The following SP140 variants were observed in gnomAD, a reference collection of about 807,000 sequenced individuals.
SP140 encodes the protein nuclear body protein SP140.
SP140 carries 81 observed loss-of-function variants against 125.0 expected under a neutral mutation model. That is an observed-to-expected ratio of 0.65 (90% CI 0.54 to 0.78). The LOEUF is 0.78. Among genes scored for constraint, SP140 ranks in the 30% least tolerant of loss-of-function variants. The probability of loss-of-function intolerance (pLI) is 0.00; values close to 1 mark genes in which losing one functional copy is unlikely to be tolerated. For missense variants in SP140, 858 were observed against 1,037.0 expected (o/e 0.83, Z 2.37); for synonymous variants, 312 against 354.0 (o/e 0.88, Z 1.33).
chr2:230,266,959 T>C (rs1409024325), intron 12 of SP140, among the ~76,000 whole-genome samples: 1 of 152,162 alleles, frequency 6.6e-6, no homozygotes, highest in African/African-American at 2.4e-5. Flanking sequence ...TCACATAAGG[T>C]AATTATGGAA....
At chr2:230,234,722 A>C (rs1380716060) in intron 1 of SP140, among the ~76,000 whole-genome samples, 1 of 151,882 alleles carries the variant, frequency 6.6e-6, no homozygotes, top group Non-Finnish European at 1.5e-5. Flanking sequence ...ATTTTCATTC[A>C]CTTTTTAAAA....
the SP140 span, among the ~76,000 whole-genome samples, chr2:230,187,975 G>C: frequency 6.6e-6 from 1 of 152,096 alleles, no homozygotes; most frequent in Non-Finnish European, 1.5e-5. Context: ...GGCTTTGCAG[G>C]CTCTTTTTTG....
chr2:230,314,941 T>C (rs2149654621), downstream of SP140, among the ~76,000 whole-genome samples: 1 of 152,352 alleles, frequency 6.6e-6, no homozygotes, highest in Non-Finnish European at 1.5e-5. Flanking sequence ...AGAGGCAGCA[T>C]TTAACTGTGA....
At chr2:230,241,813 G>T (rs547215528) in intron 4 of SP140, among the ~76,000 whole-genome samples, 2 of 152,292 alleles carry the variant, frequency 1.3e-5, no homozygotes, top group South Asian at 4.1e-4. Context: ...ACCCTCCGAG[G>T]TTGAGATAAG....
intron 1 of SP140, chr2:230,212,399 A>G: frequency 6.2e-7 from 1 of 1,612,922 alleles, no homozygotes; most frequent in Non-Finnish European, 8.5e-7. Context: ...CTTCTTCCGC[A>G]TTCATTTTGG....
chr2:230,259,686 CA>C lies in SP140; in HGVS notation c.1240+4165del, dbSNP rs79994218. Among the ~76,000 whole-genome samples, 302 of 138,668 alleles carry C rather than the reference CA, an allele frequency of 2.2e-3. 7 individuals are homozygous for C. In the East Asian group the frequency reaches 0.044, roughly 20 times the overall value. The allele number at this position is 138,668 out of a possible 152,430, so 91.0% of individuals were successfully genotyped here. A position where few individuals can be genotyped will look rare whatever the true frequency, so the allele number is the denominator to read the frequency against. The stretch of plus-strand genomic sequence containing the variant: ...TGGGTGACAGAACGAGACTCCATCT[CA>C]AAAAAAAAAATAGTCTCCAATCTCA... On this transcript the variant is annotated intron_variant, in intron 12 of 26. Coordinates refer to ENST00000392045, the MANE Select transcript of SP140 (RefSeq NM_007237.5).
In SP140 at chr2:230,237,298, A is replaced by G. The variant is rs762189432; in HGVS notation, c.237+38A>G. 6 of 1,581,660 alleles carry G rather than the reference A, an allele frequency of 3.8e-6. No homozygotes were observed. The South Asian group carries it at 6.8e-5, about 18-fold the overall frequency. Reference sequence around the variant, plus strand: ...TTCCAAATGATGATAAACCAGGTCCATACTCAATTATGCCAAACTTCAAGA... The same window carrying G: ...TTCCAAATGATGATAAACCAGGTCCGTACTCAATTATGCCAAACTTCAAGA... On this transcript the variant is annotated intron_variant, in intron 2 of 26. Coordinates refer to ENST00000392045, the MANE Select transcript of SP140 (RefSeq NM_007237.5). This position sits in a 1 kb window ranked among gnomAD's most constrained non-coding sequence, Gnocchi z 5.4.
At chr2:230,243,546 G>A (rs1167630067) in intron 4 of SP140, among the ~76,000 whole-genome samples, 185 bp from the exon 5 acceptor site, 1 of 152,184 alleles carries the variant, frequency 6.6e-6, no homozygotes, top group Non-Finnish European at 1.5e-5. Context: ...CCCCCACAGT[G>A]GATGAATTAT....
At chr2:230,204,022 A>G (rs2043482585) in intron 1 of SP140, among the ~76,000 whole-genome samples, 1 of 152,238 alleles carries the variant, frequency 6.6e-6, no homozygotes, top group South Asian at 2.1e-4. Flanking sequence ...TACCCAGGTA[A>G]AAAATTGGAA....
chr2:230,251,161 C>T, intron 10 of SP140, 100 bp downstream of exon 10: 3 of 948,666 alleles, frequency 3.2e-6, no homozygotes, highest in Non-Finnish European at 4.9e-6. Context: ...GTATACTTCA[C>T]AGTGAAAGAA....
upstream of SP140, among the ~76,000 whole-genome samples, chr2:230,202,119 T>A (rs948794596): frequency 2.8e-4 from 42 of 152,346 alleles, no homozygotes; most frequent in Admixed American, 2.5e-3. Context: ...TTCACTAATT[T>A]TTTTTGTTTT....
At chr2:230,210,703 T>C (rs558769744) in intron 1 of SP140, among the ~76,000 whole-genome samples, 10 of 152,208 alleles carry the variant, frequency 6.6e-5, no homozygotes, top group Non-Finnish European at 1.5e-4. Context: ...CCATAACAAA[T>C]AAAGGCTCAT....
At chr2:230,204,513 G>C (rs2043542585) in intron 1 of SP140, among the ~76,000 whole-genome samples, 1 of 151,874 alleles carries the variant, frequency 6.6e-6, no homozygotes, top group Non-Finnish European at 1.5e-5. Flanking sequence ...TAATGTCTAT[G>C]ACCCCTTTTC....
At chr2:230,290,376 C>A in intron 18 of SP140, 84 bp from the exon 19 acceptor site, 1 of 1,226,522 alleles carries the variant, frequency 8.2e-7, no homozygotes, top group Non-Finnish European at 1.2e-6. Flanking sequence ...AAGTATCCCT[C>A]GTGTCTTTAT....
intron 1 of SP140, among the ~76,000 whole-genome samples, chr2:230,229,152 T>C (rs2046878332): frequency 6.6e-6 from 1 of 152,030 alleles, no homozygotes; most frequent in African/African-American, 2.4e-5. Flanking sequence ...GAGTAGAGAA[T>C]ACACCATGCA....
upstream of SP140, among the ~76,000 whole-genome samples, chr2:230,198,221 A>G (rs866498311): frequency 8.5e-5 from 13 of 152,248 alleles, no homozygotes; most frequent in African/African-American, 3.1e-4. Context: ...ACACTTCCAC[A>G]GGCGGGAAAA....
chr2:230,250,643 G>T (rs1188788454), intron 9 of SP140, among the ~76,000 whole-genome samples: 1 of 152,148 alleles, frequency 6.6e-6, no homozygotes, highest in African/African-American at 2.4e-5. Flanking sequence ...GCAGAGAATG[G>T]AGCAGAAACA....
At chr2:230,276,683 A>G (rs918216619) in intron 15 of SP140, among the ~76,000 whole-genome samples, 1 of 152,198 alleles carries the variant, frequency 6.6e-6, no homozygotes, top group African/African-American at 2.4e-5. Flanking sequence ...TCTATACATA[A>G]TGATTCTTCT....
the SP140 span, among the ~76,000 whole-genome samples, chr2:230,189,009 G>C: frequency 3.9e-5 from 6 of 152,106 alleles, no homozygotes; most frequent in South Asian, 1.2e-3. Flanking sequence ...GTTCATAGTA[G>C]TCCTGAATGA....
Sources: allele counts gnomAD v4.1 joint callset (sites outside exome capture counted in the v4.1 genomes callset), GRCh38; gene constraint gnomAD v4.1.1; non-coding constraint Gnocchi (gnomAD v3.1); transcripts MANE v1.5; gene names NCBI Gene and HGNC (gene_info 2026-07-23, HGNC 2026-07-21).